SLC37A3: variants seen among roughly 807,000 people sequenced by gnomAD.
SLC37A3 encodes sugar phosphate exchanger 3.
Under a neutral mutation model 67.1 loss-of-function variants are expected in SLC37A3, and 51 were observed. The observed-to-expected ratio is 0.76, with a 90% CI of 0.61 to 0.96. The LOEUF is 0.96. SLC37A3 is among the 40% of genes least tolerant of loss of function. The pLI is 0.00. For missense variants in SLC37A3, 508 were observed against 603.0 expected, an observed-to-expected ratio of 0.84 and a Z score of 1.65; for synonymous variants, 214 against 231.4, an observed-to-expected ratio of 0.92 and a Z score of 0.68.
chr7:140,339,505 C>A (rs1796272635), intron 13 of SLC37A3, among the ~76,000 whole-genome samples: 1 of 152,090 alleles, frequency 6.6e-6, no homozygotes, highest in Non-Finnish European at 1.5e-5. Context: ...AAGTGATCTG[C>A]CCACCTCGGT....
chr7:140,384,028 G>C (rs1798353735), intron 1 of SLC37A3, among the ~76,000 whole-genome samples: 2 of 152,214 alleles, frequency 1.3e-5, no homozygotes, highest in South Asian at 4.1e-4. Flanking sequence ...CCCATGCTCT[G>C]ATATCCAAGA....
intron 1 of SLC37A3, among the ~76,000 whole-genome samples, chr7:140,393,308 A>G (rs1798793014): frequency 1.3e-5 from 2 of 152,208 alleles, no homozygotes; most frequent in East Asian, 1.9e-4. Context: ...AGGTCCATCC[A>G]TATCAGCACC....
chr7:140,382,359 A>G, intron 2 of SLC37A3, 79 bp downstream of exon 2: 2 of 1,182,514 alleles, frequency 1.7e-6, no homozygotes, highest in Non-Finnish European at 2.5e-6. Flanking sequence ...CCATCAGTGC[A>G]TTTGACACTT....
intron 13 of SLC37A3, among the ~76,000 whole-genome samples, chr7:140,342,605 T>C (rs1239496320): frequency 6.6e-6 from 1 of 152,078 alleles, no homozygotes; most frequent in Non-Finnish European, 1.5e-5. Context: ...TGTAGTGGTA[T>C]ATCCTAGAAG....
rs768465343 is a variant in SLC37A3, at chr7:140,335,458, A to G, written c.1439T>C (p.Ile480Thr). The change falls in exon 15 of 15, where the codon ATA (isoleucine) becomes ACA (threonine). Residue 480 changes from isoleucine to threonine, a missense_variant. Coordinates refer to ENST00000326232, the MANE Select transcript of SLC37A3 (RefSeq NM_207113.3). ...CTGTCTCCTTAGCACGAGAGAGAAT[A>G]TTTCCCTCACTATTAATGGCGAGAT... Reference protein sequence around the residue: ...VFISPLIVREIFSLVLRRQAH... With the variant: ...VFISPLIVRETFSLVLRRQAH... 6.2e-6 allele frequency: 10 copies of G among 1,614,012 alleles called. No homozygotes were observed. In the African/African-American group the frequency reaches 1.2e-4, roughly 19 times the overall value.
chr7:140,355,638 A>C (rs772106946), intron 7 of SLC37A3, 30 bp downstream of exon 7: 2 of 1,560,978 alleles, frequency 1.3e-6, no homozygotes, highest in Admixed American at 3.4e-5. Flanking sequence ...AGAGAGAGAG[A>C]GAGCACCAGA....
intron 4 of SLC37A3, among the ~76,000 whole-genome samples, chr7:140,368,588 A>G (rs972070817): frequency 6.6e-6 from 1 of 151,816 alleles, no homozygotes; most frequent in Non-Finnish European, 1.5e-5. Flanking sequence ...AATTAAAAAC[A>G]TAATAATAAT....
intron 2 of SLC37A3, among the ~76,000 whole-genome samples, chr7:140,381,054 C>T (rs756983469): frequency 1.9e-4 from 29 of 151,582 alleles, no homozygotes; most frequent in Non-Finnish European, 3.4e-4. Flanking sequence ...CGTGCCATCA[C>T]GCCCAGCTGA....
Position 140,364,101 on chromosome 7 carries a change from A to G in SLC37A3, c.375+307T>C, listed in dbSNP as rs139518703. On this transcript the variant is annotated intron_variant, in intron 5 of 14. Transcript: ENST00000326232. ...CCCCGTCTCTACCAAAAATACAAAA[A>G]TCACCCAGGCGTGGTGAGCTGTACC... Among the ~76,000 whole-genome samples the G allele has an allele frequency of 3.1e-3, 479 of 152,234 alleles. 1 individual carries two copies. Among genetic ancestry groups the G allele is most frequent in the African/African-American group, 0.011 (451 of 41,546 alleles).
chr7:140,337,147 T>C (rs929798924), intron 14 of SLC37A3, 137 bp downstream of exon 14: 2 of 520,816 alleles, frequency 3.8e-6, no homozygotes, highest in African/African-American at 2.0e-5. Flanking sequence ...AGATGTCTTT[T>C]AGACTAATAA....
In SLC37A3 at chr7:140,335,405, G is replaced by C. The variant is rs368961331; in HGVS notation, c.*7C>G. The C allele has an allele frequency of 2.2e-5, 36 of 1,613,998 alleles. No homozygotes were observed. Among genetic ancestry groups the C allele is most frequent in the Non-Finnish European group, 2.8e-5 (33 of 1,180,042 alleles). On this transcript the variant is annotated 3_prime_UTR_variant, in exon 15 of 15. Transcript: ENST00000326232. ...TGACATTGTTCTTTCTGTCTCGCGGGCACCGGTCACTCCCTCAATATGTGA... is the reference window on the plus strand; with the variant it reads ...TGACATTGTTCTTTCTGTCTCGCGGCCACCGGTCACTCCCTCAATATGTGA...
chr7:140,342,802 T>A (rs1222510525), intron 13 of SLC37A3, among the ~76,000 whole-genome samples: 1 of 152,236 alleles, frequency 6.6e-6, no homozygotes, highest in Non-Finnish European at 1.5e-5. Flanking sequence ...ATCTGTAGGT[T>A]CGAACTCAGC....
intron 7 of SLC37A3, among the ~76,000 whole-genome samples, chr7:140,354,217 T>G (rs1220314797): frequency 6.6e-6 from 1 of 152,240 alleles, no homozygotes; most frequent in African/African-American, 2.4e-5. Flanking sequence ...TTTGCATGTG[T>G]TTTAGTCTAT....
chr7:140,397,559 C>T (rs1428802499), intron 1 of SLC37A3, among the ~76,000 whole-genome samples: 1 of 152,020 alleles, frequency 6.6e-6, no homozygotes, highest in African/African-American at 2.4e-5. Context: ...AGTATAGAGC[C>T]TAGTATCCAA....
In SLC37A3 at chr7:140,337,273, C is replaced by T; in HGVS notation, c.1392+11G>A. Reference sequence around the variant, plus strand: ...AATGACTTTTTTTTTTTTAAAGGGGCACACACTTACCATGAGAATGAAAAA... The same window carrying T: ...AATGACTTTTTTTTTTTTAAAGGGGTACACACTTACCATGAGAATGAAAAA... On this transcript the variant is annotated intron_variant, in intron 14 of 14. Transcript: ENST00000326232. 6.4e-7 allele frequency: 1 copy of T among 1,568,546 alleles called. No individual in the cohort carries two copies. The highest frequency in any genetic ancestry group is 8.6e-7 in the Non-Finnish European group (1 of 1,161,610).
Position 140,390,657 on chromosome 7 carries a change from A to C in SLC37A3, c.-71+7759T>G, listed in dbSNP as rs537575064. ...AACCTCCATCCCCACCGCCAGGTGG[A>C]TAAGCTCCCTCCTGGGCCTTTTCAG... On this transcript the variant is annotated intron_variant, in intron 1 of 14. Transcript: ENST00000326232. Among the ~76,000 whole-genome samples the C allele has an allele frequency of 3.3e-5, 5 of 152,194 alleles. 1 individual carries two copies. The highest frequency in any genetic ancestry group is 1.2e-4 in the African/African-American group (5 of 41,532).
intron 3 of SLC37A3, among the ~76,000 whole-genome samples, chr7:140,375,667 C>A (rs185800663): frequency 6.6e-5 from 10 of 152,198 alleles, no homozygotes; most frequent in Admixed American, 6.5e-4. Context: ...ACGAAAGAAT[C>A]AAAGAAATGT....
chr7:140,349,546 G>T (rs1016533425), intron 9 of SLC37A3, among the ~76,000 whole-genome samples: 3 of 148,390 alleles, frequency 2.0e-5, no homozygotes, highest in African/African-American at 7.4e-5. Context: ...AAAGGGGGGG[G>T]GGACAGAGGG....
At chr7:140,387,686 T>TTA (rs1377694237) in intron 1 of SLC37A3, among the ~76,000 whole-genome samples, 7 of 109,512 alleles carry the variant, frequency 6.4e-5, no homozygotes, top group Non-Finnish European at 1.2e-4. Flanking sequence ...TATAAATATA[T>TTA]TATATATATT....
Sources: allele counts gnomAD v4.1 joint callset (sites outside exome capture counted in the v4.1 genomes callset), GRCh38; gene constraint gnomAD v4.1.1; transcripts MANE v1.5; gene names NCBI Gene and HGNC (gene_info 2026-07-23, HGNC 2026-07-21).